Variants in MBD5 observed in about 807,000 individuals in gnomAD.
MBD5 encodes the protein methyl-CpG-binding domain protein 5.
MBD5 carries 13 observed loss-of-function variants against 117.3 expected under a neutral mutation model. The ratio of observed to expected loss-of-function variants is 0.11; its 90% CI spans 0.07 to 0.18. MBD5 has a LOEUF of 0.18. Ranked by LOEUF, MBD5 falls within the 10% of genes least tolerant of loss-of-function variation. MBD5 has a pLI of 1.00. For synonymous variants in MBD5, 727 were observed against 766.4 expected, an observed-to-expected ratio of 0.95 and a Z score of 0.85; for missense variants, 1,879 against 2,093.8, an observed-to-expected ratio of 0.90 and a Z score of 2.00.
At chr2:148,133,409 C>A (rs959797577) in intron 1 of MBD5, among the ~76,000 whole-genome samples, 2 of 152,180 alleles carry the variant, frequency 1.3e-5, no homozygotes, top group Non-Finnish European at 2.9e-5. Context: ...TTGTTTATAT[C>A]CAACTTCTGA....
chr2:148,360,619 A>C (rs1235546421), intron 4 of MBD5, among the ~76,000 whole-genome samples: 1 of 152,002 alleles, frequency 6.6e-6, no homozygotes, highest in East Asian at 1.9e-4. Context: ...TTTTTCCCCT[A>C]TTCACAGTAT....
At chr2:148,426,244 T>G (rs893112721) in intron 4 of MBD5, among the ~76,000 whole-genome samples, 4 of 152,156 alleles carry the variant, frequency 2.6e-5, no homozygotes, top group Non-Finnish European at 5.9e-5. Context: ...ATTTATAGAT[T>G]CAATGCCATC....
intron 3 of MBD5, among the ~76,000 whole-genome samples, chr2:148,298,023 A>G (rs527520961): frequency 6.6e-6 from 1 of 152,352 alleles, no homozygotes; most frequent in South Asian, 2.1e-4. Flanking sequence ...AACCTGTTTT[A>G]TGAGCAGAGC....
intron 1 of MBD5, chr2:148,026,769 A>G (rs1044233677): frequency 6.6e-6 from 1 of 152,120 alleles, no homozygotes; most frequent in African/African-American, 2.4e-5. Context: ...CAAAATCAAA[A>G]TAGTAGCTGA....
intron 3 of MBD5, among the ~76,000 whole-genome samples, chr2:148,300,041 T>C (rs1701744965): frequency 6.6e-6 from 1 of 152,152 alleles, no homozygotes; most frequent in Admixed American, 6.5e-5. Context: ...ACCTATTGAA[T>C]AAGTGACTAC....
intron 4 of MBD5, among the ~76,000 whole-genome samples, chr2:148,392,518 C>T (rs1704596660): frequency 1.3e-5 from 2 of 152,114 alleles, no homozygotes; most frequent in Admixed American, 1.3e-4. Flanking sequence ...TGTTTGAGAG[C>T]CACTTATGTA....
At chr2:148,112,110 T>A (rs1023743878) in intron 1 of MBD5, among the ~76,000 whole-genome samples, 1 of 152,184 alleles carries the variant, frequency 6.6e-6, no homozygotes, top group Non-Finnish European at 1.5e-5. Flanking sequence ...CAAATGTGAC[T>A]AGAGCCTAGA....
intron 2 of MBD5, among the ~76,000 whole-genome samples, chr2:148,231,925 A>G (rs1026677517): frequency 1.3e-5 from 2 of 152,216 alleles, no homozygotes; most frequent in Admixed American, 6.5e-5. Context: ...ATGAAGGCCA[A>G]TGGTGAAGAG....
chr2:148,037,788 A>G (rs1030213934), intron 1 of MBD5, among the ~76,000 whole-genome samples: 2 of 151,980 alleles, frequency 1.3e-5, no homozygotes, highest in Non-Finnish European at 1.5e-5. Context: ...CTCATTCTAA[A>G]AATATTAAGT....
intron 3 of MBD5, among the ~76,000 whole-genome samples, chr2:148,248,745 C>T (rs886162273): frequency 2.0e-5 from 3 of 151,976 alleles, no homozygotes; most frequent in African/African-American, 7.2e-5. Context: ...GTTAATATAA[C>T]GCTTTAGTGA....
intron 8 of MBD5, among the ~76,000 whole-genome samples, chr2:148,472,720 T>C (rs1040077494): frequency 6.6e-6 from 1 of 152,268 alleles, no homozygotes; most frequent in African/African-American, 2.4e-5. Context: ...GCTTTTCCTC[T>C]AGGAGTGTTA....
intron 4 of MBD5, among the ~76,000 whole-genome samples, chr2:148,349,984 A>T (rs1703214236): frequency 6.6e-6 from 1 of 152,006 alleles, no homozygotes; most frequent in African/African-American, 2.4e-5. Context: ...TTGTTTAGGT[A>T]AACATTTATC....
Position 148,428,891 on chromosome 2 carries a change from G to A in MBD5, c.-556-29312G>A, listed in dbSNP as rs367661432. ...ATGTAAAACCTAAAACCATAAAAACGCTAGAAGAAAACCTGGGCACTACCA... is the reference window on the plus strand; with the variant it reads ...ATGTAAAACCTAAAACCATAAAAACACTAGAAGAAAACCTGGGCACTACCA... On this transcript the variant is annotated intron_variant, in intron 4 of 13. Coordinates refer to ENST00000642680, the MANE Select transcript of MBD5 (RefSeq NM_001378120.1). 1.1e-4 allele frequency among the ~76,000 whole-genome samples: 16 copies of A among 151,938 alleles called. No individual in the cohort carries two copies. In the East Asian group the frequency reaches 1.4e-3, roughly 13 times the overall value.
intron 1 of MBD5, among the ~76,000 whole-genome samples, chr2:148,127,280 G>A (rs1471605374): frequency 1.3e-5 from 2 of 152,104 alleles, no homozygotes; most frequent in African/African-American, 4.8e-5. Context: ...GGATATGCAG[G>A]TTGGTTACAT....
intron 11 of MBD5, among the ~76,000 whole-genome samples, chr2:148,493,557 G>T (rs1681595268): frequency 6.6e-6 from 1 of 152,146 alleles, no homozygotes; most frequent in South Asian, 2.1e-4. Context: ...TTGCGTGAAT[G>T]GTCTCTGGTC....
At chr2:148,238,907 A>G (rs548963289) in intron 3 of MBD5, among the ~76,000 whole-genome samples, 9 of 152,216 alleles carry the variant, frequency 5.9e-5, no homozygotes, top group East Asian at 3.9e-4. Flanking sequence ...TATAAAGACT[A>G]TATTTCCAAA....
chr2:148,462,555 T>C, intron 5 of MBD5, 27 bp from the exon 6 acceptor site: 1 of 1,380,602 alleles, frequency 7.2e-7, no homozygotes, highest in Non-Finnish European at 1.0e-6. Flanking sequence ...AATTATTTCC[T>C]GATGTTTTTT....
In MBD5 at chr2:148,366,473, C is replaced by T. The variant is rs188589627; in HGVS notation, c.-557+24137C>T. 9.9e-4 allele frequency among the ~76,000 whole-genome samples: 150 copies of T among 152,196 alleles called. 1 individual carries two copies. The highest frequency in any genetic ancestry group is 3.3e-3 in the African/African-American group (139 of 41,538). On this transcript the variant is annotated intron_variant, in intron 4 of 13. Transcript: ENST00000642680. ...TTCAACATAGTGTTGGAAGTTCTGG[C>T]CAGGGCAGTCAGGCAAGAGAAAGAA...
At chr2:148,480,915 A>G (rs543208675) in intron 8 of MBD5, among the ~76,000 whole-genome samples, 12 of 152,278 alleles carry the variant, frequency 7.9e-5, no homozygotes, top group Non-Finnish European at 1.5e-4. Flanking sequence ...AAAATGACAA[A>G]TCCTTGCTAT....
Sources: gnomAD v4.1 joint callset for allele counts (sites outside exome capture counted in the v4.1 genomes callset) on GRCh38, gnomAD v4.1.1 for gene constraint, MANE v1.5 for transcripts, NCBI Gene and HGNC (gene_info 2026-07-23, HGNC 2026-07-21) for gene names.